Variants in ERC1 observed in about 807,000 individuals in gnomAD.
The protein encoded by ERC1 is RAB6 interacting protein 2.
In ERC1, 56 loss-of-function variants were observed where a neutral mutation model predicts 132.0. That is an observed-to-expected ratio of 0.42 (90% CI 0.34 to 0.53). The LOEUF (loss-of-function observed/expected upper bound fraction) is 0.53. Ranked by LOEUF, ERC1 falls within the 20% of genes least tolerant of loss-of-function variation. ERC1 has a pLI of 0.03. For synonymous variants in ERC1, 478 were observed against 476.1 expected, an observed-to-expected ratio of 1.00 and a Z score of -0.05; for missense variants, 1,202 against 1,349.9, an observed-to-expected ratio of 0.89 and a Z score of 1.72.
In ERC1 at chr12:1,461,264, C is replaced by G. The variant is rs570148325; in HGVS notation, c.3213+16514C>G. Among the ~76,000 whole-genome samples the G allele has an allele frequency of 2.9e-4, 44 of 152,224 alleles. No homozygotes were observed. In the South Asian group the frequency reaches 8.5e-3, roughly 29 times the overall value. On this transcript the variant is annotated intron_variant, in intron 18 of 18. Transcript: ENST00000360905. ...ATATGGATTATATATGAATATGAGA[C>G]ATGTATAACCTGTATGTTGAATGAT...
At chr12:1,477,951 T>C (rs1288242730) in intron 18 of ERC1, among the ~76,000 whole-genome samples, 1 of 152,256 alleles carries the variant, frequency 6.6e-6, no homozygotes, top group African/African-American at 2.4e-5. Context: ...CATTGCTCTA[T>C]GATATTCCAT....
At chr12:1,473,653 CAGGG>C (rs958356154) in intron 18 of ERC1, among the ~76,000 whole-genome samples, 1 of 142,448 alleles carries the variant, frequency 7.0e-6, no homozygotes, top group African/African-American at 2.6e-5. Flanking sequence ...AAAAAAAGGA[CAGGG>C]AGGGAGAAGG....
chr12:1,166,045 T>C (rs1042205469), intron 8 of ERC1, among the ~76,000 whole-genome samples: 1 of 152,168 alleles, frequency 6.6e-6, no homozygotes, highest in Non-Finnish European at 1.5e-5. Flanking sequence ...GAGCTAATGC[T>C]GAAATGAGTT....
At chr12:1,084,172 A>AC (rs1942635260) in intron 3 of ERC1, among the ~76,000 whole-genome samples, 2 of 152,212 alleles carry the variant, frequency 1.3e-5, no homozygotes, top group African/African-American at 4.8e-5. Flanking sequence ...GACTACTGAT[A>AC]ATTTTTTACT....
At chr12:1,264,211 T>C (rs1338423150) in intron 14 of ERC1, among the ~76,000 whole-genome samples, 1 of 152,212 alleles carries the variant, frequency 6.6e-6, no homozygotes, top group Non-Finnish European at 1.5e-5. Context: ...TTTGTGATGC[T>C]TGTTTTACAT....
chr12:1,390,676 G>C (rs766999895), intron 16 of ERC1: 3 of 152,190 alleles, frequency 2.0e-5, no homozygotes, highest in African/African-American at 4.8e-5. Flanking sequence ...AAATAAAACT[G>C]TGGTCAAACC....
chr12:1,436,355 G>A (rs774393450), intron 17 of ERC1, among the ~76,000 whole-genome samples: 20 of 152,146 alleles, frequency 1.3e-4, no homozygotes, highest in Non-Finnish European at 2.2e-4. Context: ...AGAAGGAGCC[G>A]GTAAATGTGT....
chr12:1,216,978 G>A (rs1958489937), intron 12 of ERC1, among the ~76,000 whole-genome samples: 1 of 152,208 alleles, frequency 6.6e-6, no homozygotes, highest in Admixed American at 6.5e-5. Context: ...ACTTAGAAGT[G>A]TAAGGTTGTA....
chr12:1,461,718 G>T (rs552486943), intron 18 of ERC1, among the ~76,000 whole-genome samples: 7 of 152,162 alleles, frequency 4.6e-5, no homozygotes, highest in African/African-American at 1.7e-4. Flanking sequence ...AGCAATGGGT[G>T]GTTGTTTTAA....
At chr12:1,371,265 C>T (rs1015757975) in intron 15 of ERC1, among the ~76,000 whole-genome samples, 1 of 152,156 alleles carries the variant, frequency 6.6e-6, no homozygotes, top group African/African-American at 2.4e-5. Context: ...TTTTAGATCC[C>T]TCATGTAAAT....
At chr12:1,476,313 C>T (rs993630211) in intron 18 of ERC1, among the ~76,000 whole-genome samples, 10 of 150,736 alleles carry the variant, frequency 6.6e-5, no homozygotes, top group African/African-American at 2.4e-4. Flanking sequence ...CCTAGCTACT[C>T]GGGAAGCTGA....
intron 17 of ERC1, chr12:1,443,540 G>T (rs980582107): frequency 6.6e-6 from 1 of 152,264 alleles, no homozygotes; most frequent in South Asian, 2.1e-4. Flanking sequence ...CAGACCTGCT[G>T]TGTGAGCCCT....
chr12:1,174,145 G>C (rs73041065), intron 8 of ERC1, among the ~76,000 whole-genome samples: 15,829 of 152,224 alleles, frequency 0.1, 1,191 homozygotes, highest in African/African-American at 0.19. Flanking sequence ...GTATTTTTAT[G>C]GGCACACATT....
At chr12:1,357,248 G>C (rs532664783) in intron 15 of ERC1, among the ~76,000 whole-genome samples, 64 of 152,326 alleles carry the variant, frequency 4.2e-4, no homozygotes, top group African/African-American at 1.4e-3. Flanking sequence ...AGACCTGAGT[G>C]CCCTGACACT....
intron 3 of ERC1, among the ~76,000 whole-genome samples, chr12:1,091,835 TA>T: frequency 6.6e-6 from 1 of 152,200 alleles, no homozygotes; most frequent in East Asian, 1.9e-4. Flanking sequence ...TAATCTAGAT[TA>T]GGGGAATGGG....
At chr12:1,381,959 C>G (rs979558955) in intron 16 of ERC1, among the ~76,000 whole-genome samples, 3 of 152,130 alleles carry the variant, frequency 2.0e-5, no homozygotes, top group Non-Finnish European at 4.4e-5. Flanking sequence ...TTCACTTGGA[C>G]TAGAGTTGTT....
intron 2 of ERC1, among the ~76,000 whole-genome samples, chr12:1,079,190 CAA>C (rs1362336765): frequency 1.4e-5 from 2 of 143,552 alleles, no homozygotes; most frequent in Non-Finnish European, 3.1e-5. Flanking sequence ...TGTAATATGA[CAA>C]AAGTCGATAT....
chr12:1,095,121 G>A (rs1192157068), intron 3 of ERC1, among the ~76,000 whole-genome samples: 5 of 152,068 alleles, frequency 3.3e-5, no homozygotes, highest in Admixed American at 6.6e-5. Context: ...AAACAACTAG[G>A]GAAAAGGAGA....
chr12:1,328,985 TAA>T (rs113967541), intron 15 of ERC1, among the ~76,000 whole-genome samples: 1,136 of 86,712 alleles, frequency 0.013, 89 homozygotes, highest in African/African-American at 0.038. Context: ...TAAAAGTTAC[TAA>T]AAAAAAAAAA....
Sources: allele counts gnomAD v4.1 joint callset (sites outside exome capture counted in the v4.1 genomes callset), GRCh38; gene constraint gnomAD v4.1.1; transcripts MANE v1.5; gene names NCBI Gene and HGNC (gene_info 2026-07-23, HGNC 2026-07-21).